MEGF11: variants seen among roughly 807,000 people sequenced by gnomAD.
MEGF11 encodes multiple EGF like domains 11.
In MEGF11, 126 loss-of-function variants were observed where a neutral mutation model predicts 146.6. The ratio of observed to expected loss-of-function variants is 0.86; its 90% CI spans 0.74 to 1.00. The LOEUF is 1.00. Ranked by LOEUF, MEGF11 falls within the 50% of genes least tolerant of loss-of-function variation. The probability of loss-of-function intolerance (pLI) is 0.00; values close to 1 mark genes in which losing one functional copy is unlikely to be tolerated. For missense variants in MEGF11, 1,509 were observed against 1,521.2 expected (o/e 0.99, Z 0.13); for synonymous variants, 532 against 583.4 (o/e 0.91, Z 1.27).
At chr15:65,967,632 C>T (rs554565496) in intron 8 of MEGF11, among the ~76,000 whole-genome samples, 1 of 152,172 alleles carries the variant, frequency 6.6e-6, no homozygotes, top group African/African-American at 2.4e-5. Flanking sequence ...TGAGAGCAGC[C>T]AGTGTGTGGG....
chr15:66,177,243 T>A (rs1044664284), intron 1 of MEGF11, among the ~76,000 whole-genome samples: 3 of 152,188 alleles, frequency 2.0e-5, no homozygotes, highest in Non-Finnish European at 4.4e-5. Flanking sequence ...ATAGCGTAGA[T>A]GCATGGCAGG....
At chr15:65,941,973 G>A (rs2080008127) in intron 10 of MEGF11, among the ~76,000 whole-genome samples, 1 of 151,954 alleles carries the variant, frequency 6.6e-6, no homozygotes, top group Admixed American at 6.5e-5. Flanking sequence ...TTGGTGACAG[G>A]CTTGTGCCAG....
At chr15:66,078,202 A>G (rs1040706220) in intron 5 of MEGF11, among the ~76,000 whole-genome samples, 7 of 152,186 alleles carry the variant, frequency 4.6e-5, no homozygotes, top group African/African-American at 1.7e-4. Flanking sequence ...TGGGGATGAG[A>G]ATAATAAACT....
At chr15:66,140,225 A>G (rs2089080438) in intron 1 of MEGF11, among the ~76,000 whole-genome samples, 1 of 152,210 alleles carries the variant, frequency 6.6e-6, no homozygotes, top group Admixed American at 6.5e-5. Flanking sequence ...ATCCAGAGAA[A>G]TTTGATCCTA....
chr15:66,148,720 A>C (rs1463047142), intron 1 of MEGF11, among the ~76,000 whole-genome samples: 1 of 152,144 alleles, frequency 6.6e-6, no homozygotes, highest in Non-Finnish European at 1.5e-5. Flanking sequence ...CCAGCTGTTG[A>C]CAAGCACAGG....
chr15:65,914,717 A>G (rs968116041), intron 19 of MEGF11, among the ~76,000 whole-genome samples: 2 of 152,158 alleles, frequency 1.3e-5, no homozygotes, highest in African/African-American at 2.4e-5. Flanking sequence ...ATGTGCTGCA[A>G]TATCGTTCTC....
rs920631659 is a variant in MEGF11 at position 66,088,772 on chromosome 15, T to C, written c.394+5630A>G. On this transcript the variant is annotated intron_variant, in intron 5 of 25. Transcript: ENST00000395614. The stretch of plus-strand genomic sequence containing the variant: ...CAAATACTGTATGATTCCAATTATA[T>C]GAAGCACAGAGTAGTCAAATTCATA... 3.9e-5 allele frequency among the ~76,000 whole-genome samples: 6 copies of C among 152,214 alleles called. No homozygotes were observed. The South Asian group carries it at 1.0e-3, about 26-fold the overall frequency.
At chr15:66,220,351 A>T (rs1029221705) in intron 1 of MEGF11, among the ~76,000 whole-genome samples, 6 of 152,064 alleles carry the variant, frequency 3.9e-5, no homozygotes, top group African/African-American at 1.4e-4. Context: ...ACAATAATCT[A>T]GGGAATTACA....
At chr15:66,223,927 T>C (rs1264620479) in intron 1 of MEGF11, among the ~76,000 whole-genome samples, 1 of 152,012 alleles carries the variant, frequency 6.6e-6, no homozygotes, top group Non-Finnish European at 1.5e-5. Context: ...GGTGGCTGAG[T>C]GTTGGGTATT....
chr15:65,906,889 T>C (rs2078646090), intron 23 of MEGF11, among the ~76,000 whole-genome samples: 1 of 152,194 alleles, frequency 6.6e-6, no homozygotes, highest in African/African-American at 2.4e-5. Context: ...GTCAGTTTTT[T>C]CCTAGGCTCC....
chr15:66,026,397 G>A (rs764002547), intron 5 of MEGF11, among the ~76,000 whole-genome samples: 10 of 152,168 alleles, frequency 6.6e-5, no homozygotes, highest in Admixed American at 5.2e-4. Context: ...CCAGCCCTCC[G>A]GCTTCTCAGG....
intron 5 of MEGF11, among the ~76,000 whole-genome samples, chr15:65,998,582 A>T (rs1208292632): frequency 6.6e-6 from 1 of 152,080 alleles, no homozygotes; most frequent in East Asian, 1.9e-4. Context: ...ATGATTCCTG[A>T]AATCTTTCTT....
chr15:65,970,796 G>T, intron 7 of MEGF11, 107 bp from the exon 8 acceptor site: 1 of 1,336,716 alleles, frequency 7.5e-7, no homozygotes. Context: ...CTTCCCAGAA[G>T]AAGTTCAGAC....
intron 10 of MEGF11, among the ~76,000 whole-genome samples, chr15:65,934,808 A>G (rs1270046325): frequency 6.6e-6 from 1 of 152,242 alleles, no homozygotes; most frequent in Non-Finnish European, 1.5e-5. Flanking sequence ...AGCTGAACAT[A>G]TGGAGGTTCC....
At chr15:66,164,833 A>T (rs924819726) in intron 1 of MEGF11, among the ~76,000 whole-genome samples, 1 of 152,254 alleles carries the variant, frequency 6.6e-6, no homozygotes, top group Admixed American at 6.5e-5. Flanking sequence ...ACCAGAGAAC[A>T]TTTGAAATTG....
In MEGF11 at chr15:66,123,900, G is replaced by A. The variant is rs1440418292; in HGVS notation, c.199C>T (p.Arg67Trp). ...CCATCATCTGAGAGAGGTACTCACCGGTGCCTGGTGCACTTGAACCAGTTG... is the reference window on the plus strand; with the variant it reads ...CCATCATCTGAGAGAGGTACTCACCAGTGCCTGGTGCACTTGAACCAGTTG... ...ILNWFKCTRH[R>W]ISYKTAYRRG... Residue 67 changes from arginine to tryptophan, a missense_variant and splice_region_variant, in exon 3 of 26, where the codon CGG becomes TGG. By Grantham distance (101) the Arg-to-Trp change is moderately radical. Transcript: ENST00000395614. 25 of 1,611,562 alleles carry A rather than the reference G, an allele frequency of 1.6e-5. No individual in the cohort carries two copies. The highest frequency in any genetic ancestry group is 4.5e-5 in the East Asian group (2 of 44,884).
At chr15:66,025,974 C>T (rs1353002189) in intron 5 of MEGF11, among the ~76,000 whole-genome samples, 4 of 152,202 alleles carry the variant, frequency 2.6e-5, no homozygotes, top group East Asian at 1.9e-4. Flanking sequence ...TGACCAGCAT[C>T]GGTTAGAACA....
intron 1 of MEGF11, among the ~76,000 whole-genome samples, chr15:66,154,638 T>A: frequency 6.6e-6 from 1 of 152,244 alleles, no homozygotes; most frequent in Non-Finnish European, 1.5e-5. Flanking sequence ...TGGAGGGACG[T>A]GCAAGACAGA....
At chr15:66,092,318 T>G (rs540406095) in intron 5 of MEGF11, among the ~76,000 whole-genome samples, 23 of 152,372 alleles carry the variant, frequency 1.5e-4, no homozygotes, top group Admixed American at 3.9e-4. Flanking sequence ...TTTAATTCAA[T>G]GCTGCTGTCC....
Sources: gnomAD v4.1 joint callset for allele counts (sites outside exome capture counted in the v4.1 genomes callset) on GRCh38, gnomAD v4.1.1 for gene constraint, MANE v1.5 for transcripts, NCBI Gene and HGNC (gene_info 2026-07-23, HGNC 2026-07-21) for gene names.